The following ADCK1 variants were observed in gnomAD, a reference collection of about 807,000 sequenced individuals.
ADCK1 encodes aarF domain-containing protein kinase 1.
Under a neutral mutation model 52.3 loss-of-function variants are expected in ADCK1, and 41 were observed. The ratio of observed to expected loss-of-function variants is 0.78; its 90% CI spans 0.61 to 1.02. The LOEUF is 1.02. ADCK1 is among the 50% of genes least tolerant of loss of function. The pLI, the probability that ADCK1 is intolerant of heterozygous loss-of-function variation, is 0.00. For synonymous variants in ADCK1, 250 were observed against 274.6 expected, an observed-to-expected ratio of 0.91 and a Z score of 0.89; for missense variants, 658 against 679.5, an observed-to-expected ratio of 0.97 and a Z score of 0.35.
chr14:77,929,689 CAG>C (rs1451547195), intron 9 of ADCK1, among the ~76,000 whole-genome samples: 1 of 151,658 alleles, frequency 6.6e-6, no homozygotes, highest in African/African-American at 2.4e-5. Context: ...TTTTTTGAGA[CAG>C]AGTCTCGCTC....
intron 1 of ADCK1, 25 bp from the exon 2 acceptor site, chr14:77,818,943 T>G (rs1374488014): frequency 6.2e-7 from 1 of 1,608,980 alleles, no homozygotes; most frequent in Non-Finnish European, 8.5e-7. Flanking sequence ...CTGCTATTCT[T>G]TCTCAACTTT....
At chr14:77,907,539 A>G (rs1252138906) in intron 6 of ADCK1, among the ~76,000 whole-genome samples, 1 of 152,224 alleles carries the variant, frequency 6.6e-6, no homozygotes, top group African/African-American at 2.4e-5. Context: ...TTGGCTCTTA[A>G]CAGCATTAGA....
intron 5 of ADCK1, among the ~76,000 whole-genome samples, chr14:77,897,048 G>A (rs2083426159): frequency 6.6e-6 from 1 of 152,178 alleles, no homozygotes; most frequent in Non-Finnish European, 1.5e-5. Context: ...GCAAAAAGAA[G>A]CATGAGACAA....
Position 77,822,604 on chromosome 14 carries a change from C to G in ADCK1, c.219+86C>G, listed in dbSNP as rs1044756289. ...TGCTCTAGTGATCCTCCCACCTCAC[C>G]CCCGCAAAGTGCTGGGATTAAAGGC... On this transcript the variant is annotated intron_variant, in intron 3 of 10. Coordinates refer to ENST00000238561, the MANE Select transcript of ADCK1 (RefSeq NM_020421.4). 6.8e-6 allele frequency: 8 copies of G among 1,173,800 alleles called. No homozygotes were observed. The South Asian group carries it at 8.7e-5, about 13-fold the overall frequency. The allele number at this position is 1,173,800 out of a possible 1,614,324, so 72.7% of individuals were successfully genotyped here.
chr14:77,926,781 C>G (rs1303641897), intron 9 of ADCK1, among the ~76,000 whole-genome samples: 2 of 152,194 alleles, frequency 1.3e-5, no homozygotes, highest in Non-Finnish European at 2.9e-5. Flanking sequence ...CTGGGAGACA[C>G]ATCGGGAGCA....
intron 4 of ADCK1, among the ~76,000 whole-genome samples, chr14:77,867,298 A>G (rs998685310): frequency 6.6e-6 from 1 of 152,214 alleles, no homozygotes; most frequent in East Asian, 1.9e-4. Flanking sequence ...GAAGGCTACC[A>G]AATGAATATT....
intron 3 of ADCK1, among the ~76,000 whole-genome samples, chr14:77,843,705 G>A (rs927502513): frequency 4.6e-5 from 7 of 152,158 alleles, no homozygotes; most frequent in Non-Finnish European, 8.8e-5. Context: ...CATTTGTTGG[G>A]ATTTCAGGGA....
At chr14:77,888,279 A>C (rs1351803840) in intron 5 of ADCK1, among the ~76,000 whole-genome samples, 1 of 152,134 alleles carries the variant, frequency 6.6e-6, no homozygotes, top group Non-Finnish European at 1.5e-5. Flanking sequence ...CGACCTGTTC[A>C]GATGGTATGA....
chr14:77,850,975 C>A (rs113955232), intron 3 of ADCK1, among the ~76,000 whole-genome samples: 2,610 of 151,508 alleles, frequency 0.017, 70 homozygotes, highest in African/African-American at 0.06. Flanking sequence ...TTTTTTTTAT[C>A]CTTCTATTGG....
At chr14:77,866,147 G>A (rs918312294) in intron 4 of ADCK1, among the ~76,000 whole-genome samples, 2 of 152,140 alleles carry the variant, frequency 1.3e-5, no homozygotes, top group Non-Finnish European at 2.9e-5. Flanking sequence ...ATATACTTTG[G>A]GTATATGGTA....
At chr14:77,848,971 G>A (rs1055414177) in intron 3 of ADCK1, among the ~76,000 whole-genome samples, 2 of 151,854 alleles carry the variant, frequency 1.3e-5, no homozygotes, top group Admixed American at 6.6e-5. Flanking sequence ...GACTACAGGC[G>A]CCCGCTACCA....
At chr14:77,813,943 T>G (rs2081387365) in intron 1 of ADCK1, among the ~76,000 whole-genome samples, 2 of 152,162 alleles carry the variant, frequency 1.3e-5, no homozygotes, top group East Asian at 1.9e-4. Flanking sequence ...AACTTTTGTA[T>G]TTTTAGTAGA....
At chr14:77,896,566 C>T (rs1362575511) in intron 5 of ADCK1, among the ~76,000 whole-genome samples, 2 of 152,228 alleles carry the variant, frequency 1.3e-5, no homozygotes, top group Non-Finnish European at 1.5e-5. Context: ...CCGCCTGGGC[C>T]TGGGGGAATC....
At chr14:77,877,597 G>A (rs1390427167) in intron 4 of ADCK1, among the ~76,000 whole-genome samples, 1 of 152,160 alleles carries the variant, frequency 6.6e-6, no homozygotes. Context: ...GGGAGTTGCT[G>A]GCTTTTGTAT....
intron 1 of ADCK1, among the ~76,000 whole-genome samples, chr14:77,807,154 C>T (rs1358642008): frequency 8.1e-5 from 12 of 148,252 alleles, no homozygotes; most frequent in Non-Finnish European, 1.2e-4. Context: ...CTGCAAGCTC[C>T]GCCTCCCGGG....
rs17106632 is a variant in ADCK1 at position 77,932,859 on chromosome 14, T to A, written c.1401-361T>A. 4.4e-3 allele frequency among the ~76,000 whole-genome samples: 677 copies of A among 152,304 alleles called. 15 individuals carry two copies. The South Asian group carries it at 0.058, about 13-fold the overall frequency. The stretch of plus-strand genomic sequence containing the variant: ...CCAAGTGATTCTTATCCTTAGAAAG[T>A]TTGGAAAGGCTTTGACTATTTTTGA... On this transcript the variant is annotated intron_variant, in intron 10 of 10. Transcript: ENST00000238561.
At chr14:77,867,525 A>G (rs1214932961) in intron 4 of ADCK1, among the ~76,000 whole-genome samples, 1 of 152,246 alleles carries the variant, frequency 6.6e-6, no homozygotes, top group African/African-American at 2.4e-5. Context: ...ATCAATTATG[A>G]GAGAGATTTC....
intron 3 of ADCK1, among the ~76,000 whole-genome samples, chr14:77,834,459 C>A (rs144862890): frequency 6.6e-6 from 1 of 152,218 alleles, no homozygotes; most frequent in African/African-American, 2.4e-5. Context: ...TTTGGCTACT[C>A]TCTTTCCGGC....
At chr14:77,827,884 A>C (rs1438326689) in intron 3 of ADCK1, 1 of 407,414 alleles carries the variant, frequency 2.5e-6, no homozygotes, top group East Asian at 8.7e-5. Context: ...GCTGGAGTGC[A>C]TTGGCGTGAT....
Sources: allele counts gnomAD v4.1 joint callset (sites outside exome capture counted in the v4.1 genomes callset), GRCh38; gene constraint gnomAD v4.1.1; transcripts MANE v1.5; gene names NCBI Gene and HGNC (gene_info 2026-07-23, HGNC 2026-07-21).